Variants in RAD54L observed in about 807,000 individuals in gnomAD.
The protein encoded by RAD54L is RAD54 like.
Under a neutral mutation model 91.6 loss-of-function variants are expected in RAD54L, and 74 were observed. The ratio of observed to expected loss-of-function variants is 0.81; its 90% CI spans 0.67 to 0.98. The LOEUF is 0.98. Among genes scored for constraint, RAD54L ranks in the 50% least tolerant of loss-of-function variants. The pLI is 0.00. For missense variants in RAD54L, 887 were observed against 945.7 expected (o/e 0.94, Z 0.81); for synonymous variants, 304 against 349.7 (o/e 0.87, Z 1.46).
chr1:46,267,685 G>A (rs1660305359), intron 9 of RAD54L, 76 bp downstream of exon 9: 1 of 1,508,872 alleles, frequency 6.6e-7, no homozygotes, highest in African/African-American at 1.4e-5. Flanking sequence ...CAGCTGAGGA[G>A]AGAAAGAAGA....
At chr1:46,273,532 G>A in intron 13 of RAD54L, 67 bp downstream of exon 13, 1 of 1,611,096 alleles carries the variant, frequency 6.2e-7, no homozygotes, top group South Asian at 1.1e-5. Context: ...TTTTGTGCTA[G>A]GGCTGTCCTG....
Position 46,274,684 on chromosome 1 carries a change from A to G in RAD54L, c.1836A>G (p.Gln612=), listed in dbSNP as rs1660543600. 1 of 1,614,164 alleles carries G rather than the reference A, an allele frequency of 6.2e-7. No individual in the cohort carries two copies. The highest frequency in any genetic ancestry group is 8.5e-7 in the Non-Finnish European group (1 of 1,180,036). Residue 612 remains glutamine (Q), a synonymous_variant, in exon 16 of 18, where the codon CAA becomes CAG. Coordinates refer to ENST00000371975, the MANE Select transcript of RAD54L (RefSeq NM_003579.4). ...TGGCCCGGGTCTGGCGAGATGGTCAAAAGAAGACTTGCTATATCTACCGCC... is the reference window on the plus strand; with the variant it reads ...TGGCCCGGGTCTGGCGAGATGGTCAGAAGAAGACTTGCTATATCTACCGCC... ...QAMARVWRDG[Q]KKTCYIYRLL...
chr1:46,253,746 CAG>C (rs1659866558), intron 3 of RAD54L, among the ~76,000 whole-genome samples: 1 of 10,726 alleles, frequency 9.3e-5, no homozygotes, highest in Non-Finnish European at 2.5e-4. Context: ...TTTTTTGAGA[CAG>C]AGTCTTGTGT....
chr1:46,261,027 T>G lies in RAD54L; in HGVS notation c.766+12T>G. ...AGACCAAAAGCTGGGTACGGAGCCC[T>G]AACAAAGATGGCTGCACTCTCCTGC... On this transcript the variant is annotated intron_variant, in intron 7 of 17. Coordinates refer to ENST00000371975, the MANE Select transcript of RAD54L (RefSeq NM_003579.4). 1 of 1,611,540 alleles carries G rather than the reference T, an allele frequency of 6.2e-7. No individual in the cohort carries two copies. Among genetic ancestry groups the G allele is most frequent in the Non-Finnish European group, 8.5e-7 (1 of 1,179,372 alleles).
At chr1:46,251,710 C>T (rs1659803454) in intron 3 of RAD54L, among the ~76,000 whole-genome samples, 2 of 152,098 alleles carry the variant, frequency 1.3e-5, no homozygotes, top group South Asian at 4.1e-4. Context: ...AGTTTGAGAC[C>T]AACCCAGGCA....
At position 46,273,641 on chromosome 1, in the gene RAD54L, G is replaced by A; in HGVS notation, c.1504G>A (p.Asp502Asn). The A allele has an allele frequency of 6.2e-7, 1 of 1,613,808 alleles. No homozygotes were observed. The highest frequency in any genetic ancestry group is 1.1e-5 in the South Asian group (1 of 91,048). ...CTTCCCAGGTAAGATGCTGGTCCTG[G>A]ATTATATTCTGGCGGTGACCCGAAG... ...PQLSGKMLVL[D>N]YILAVTRSRS... The change falls in exon 14 of 18, where the codon GAT (aspartate) becomes AAT (asparagine). Residue 502 changes from aspartate to asparagine, a missense_variant. By Grantham distance (23) the Asp-to-Asn change is conservative. Coordinates refer to ENST00000371975, the MANE Select transcript of RAD54L (RefSeq NM_003579.4).
rs761874060 is a variant in RAD54L at position 46,274,244 on chromosome 1, A to G, written c.1689+28A>G. 17 of 1,573,858 alleles carry G rather than the reference A, an allele frequency of 1.1e-5. No individual in the cohort carries two copies. In the Admixed American group the frequency reaches 2.8e-4, roughly 26 times the overall value. On this transcript the variant is annotated intron_variant, in intron 15 of 17. Transcript: ENST00000371975. ...AAATGCACATCCCCGTCCCCACACC[A>G]CCAATGCAGTATCATCAGAATTAAG...
At chr1:46,259,449 T>C (rs918926526) in intron 4 of RAD54L, among the ~76,000 whole-genome samples, 1 of 151,760 alleles carries the variant, frequency 6.6e-6, no homozygotes, top group African/African-American at 2.4e-5. Context: ...ATGGGAGAAA[T>C]AAAACGGGAA....
intron 3 of RAD54L, among the ~76,000 whole-genome samples, chr1:46,253,231 T>C (rs893181725): frequency 5.3e-5 from 8 of 152,262 alleles, no homozygotes; most frequent in Admixed American, 4.6e-4. Flanking sequence ...GGTTTGTTTA[T>C]GGTTGTTATA....
In RAD54L at chr1:46,277,999, C is replaced by G; in HGVS notation, c.2033+19C>G. 1 of 1,614,192 alleles carries G rather than the reference C, an allele frequency of 6.2e-7. No homozygotes were observed. The highest frequency in any genetic ancestry group is 8.5e-7 in the Non-Finnish European group (1 of 1,180,032). On this transcript the variant is annotated intron_variant, in intron 17 of 17. Coordinates refer to ENST00000371975, the MANE Select transcript of RAD54L (RefSeq NM_003579.4). ...ATGACAGGTGGGGAAGTGCCCTAAC[C>G]ATTATCTCTAAGCTACCCACACAGT...
chr1:46,278,180 G>A lies in RAD54L; in HGVS notation c.2142G>A (p.Gly714=), dbSNP rs747452312. ...AGWNHCTDKW[G]LRDEVLQAAW... Reference sequence around the variant, plus strand: ...GGAACCACTGCACTGATAAGTGGGGGCTCCGGGATGAGGTACTCCAGGCTG... The same window carrying A: ...GGAACCACTGCACTGATAAGTGGGGACTCCGGGATGAGGTACTCCAGGCTG... The change falls in exon 18 of 18, where the codon GGG becomes GGA. Residue 714 remains glycine, a synonymous_variant. Coordinates refer to ENST00000371975, the MANE Select transcript of RAD54L (RefSeq NM_003579.4). 4.3e-6 allele frequency: 7 copies of A among 1,613,614 alleles called. No homozygotes were observed. The highest frequency in any genetic ancestry group is 3.3e-4 in the Middle Eastern group (2 of 6,082).
rs138693255 is a variant in RAD54L, at chr1:46,274,673, C to T, written c.1825C>T (p.Arg609Ter). The T allele has an allele frequency of 3.1e-6, 5 of 1,613,882 alleles. No homozygotes were observed. The highest frequency in any genetic ancestry group is 1.1e-5 in the South Asian group (1 of 91,080). ...NDEQAMARVW[R>*]DGQKKTCYIY... ...TGAACAAGCCATGGCCCGGGTCTGG[C>T]GAGATGGTCAAAAGAAGACTTGCTA... The change falls in exon 16 of 18, where the codon CGA becomes TGA. Residue 609 changes from arginine (R) to a stop codon, truncating the protein, a stop_gained. Transcript: ENST00000371975. LOFTEE classifies it high-confidence loss of function.
chr1:46,269,231 T>C (rs1410719911), intron 9 of RAD54L, among the ~76,000 whole-genome samples: 1 of 152,206 alleles, frequency 6.6e-6, no homozygotes, highest in Non-Finnish European at 1.5e-5. Flanking sequence ...TTTGTCTCCT[T>C]GTGTCAGTAC....
chr1:46,262,009 G>T (rs920988266), intron 8 of RAD54L, among the ~76,000 whole-genome samples: 1 of 152,098 alleles, frequency 6.6e-6, no homozygotes, highest in East Asian at 1.9e-4. Flanking sequence ...TGCACCTGTA[G>T]TCCCAGCTAC....
At chr1:46,262,368 C>T (rs1303200381) in intron 8 of RAD54L, among the ~76,000 whole-genome samples, 5 of 152,082 alleles carry the variant, frequency 3.3e-5, no homozygotes, top group Non-Finnish European at 7.4e-5. Context: ...GATAATGCCA[C>T]TGCACTCTAG....
At chr1:46,259,501 C>T (rs28363212) in intron 4 of RAD54L, among the ~76,000 whole-genome samples, 13 of 152,078 alleles carry the variant, frequency 8.5e-5, no homozygotes, top group Non-Finnish European at 1.0e-4. Flanking sequence ...GGCTGGGCAT[C>T]GTGGCTCACG....
At chr1:46,267,402 A>T in intron 8 of RAD54L, 57 bp from the exon 9 acceptor site, 1 of 1,610,428 alleles carries the variant, frequency 6.2e-7, no homozygotes, top group Non-Finnish European at 8.5e-7. Context: ...TCTACATGAG[A>T]CTTTGCTACC....
At chr1:46,255,492 CTTTTTTTTTT>C (rs869103738) in intron 3 of RAD54L, among the ~76,000 whole-genome samples, 5 of 80,826 alleles carry the variant, frequency 6.2e-5, no homozygotes, top group Non-Finnish European at 9.7e-5. Flanking sequence ...TTGGCCATTC[CTTTTTTTTTT>C]TTTTTTTTTT....
intron 16 of RAD54L, chr1:46,277,442 T>TGACAGCA (rs1660644609): frequency 3.0e-6 from 1 of 332,884 alleles, no homozygotes; most frequent in Admixed American, 4.6e-5. Flanking sequence ...TGTATGCTAA[T>TGACAGCA]GTCAGCACAG....
Sources: allele counts gnomAD v4.1 joint callset (sites outside exome capture counted in the v4.1 genomes callset), GRCh38; gene constraint gnomAD v4.1.1; transcripts MANE v1.5; gene names NCBI Gene and HGNC (gene_info 2026-07-23, HGNC 2026-07-21).